The following LOXL4 variants were observed in gnomAD, a reference collection of about 807,000 sequenced individuals.
The protein encoded by LOXL4 is lysyl oxidase homolog 4.
LOXL4 carries 72 observed loss-of-function variants against 89.1 expected under a neutral mutation model. The ratio of observed to expected loss-of-function variants is 0.81; its 90% CI spans 0.67 to 0.98. The LOEUF is 0.98. LOXL4 is among the 50% of genes least tolerant of loss of function. The pLI, the probability that LOXL4 is intolerant of heterozygous loss-of-function variation, is 0.00. For synonymous variants in LOXL4, 355 were observed against 392.1 expected, an observed-to-expected ratio of 0.91 and a Z score of 1.12; for missense variants, 984 against 1,017.5, an observed-to-expected ratio of 0.97 and a Z score of 0.45.
At chr10:98,261,978 C>A in intron 3 of LOXL4, 57 bp downstream of exon 3, 1 of 1,506,978 alleles carries the variant, frequency 6.6e-7, no homozygotes, top group East Asian at 2.3e-5. Context: ...TTCTGGGAGG[C>A]TCTCTGTTCT....
intron 4 of LOXL4, 29 bp downstream of exon 4, chr10:98,260,893 T>G (rs1161871334): frequency 6.3e-7 from 1 of 1,579,272 alleles, no homozygotes; most frequent in Non-Finnish European, 8.6e-7. Context: ...CCCTGCCTCC[T>G]GTGGGGCCTA....
At chr10:98,258,610 C>T (rs142132198) in intron 6 of LOXL4, among the ~76,000 whole-genome samples, 169 of 151,228 alleles carry the variant, frequency 1.1e-3, no homozygotes, top group African/African-American at 3.9e-3. Context: ...TACCACCTCA[C>T]GGCATCTGTA....
At chr10:98,258,841 G>C (rs926195720) in intron 6 of LOXL4, among the ~76,000 whole-genome samples, 168 bp downstream of exon 6, 32 of 152,258 alleles carry the variant, frequency 2.1e-4, no homozygotes, top group African/African-American at 7.5e-4. Context: ...GGCTATAAAT[G>C]ATCCCTTTTA....
At chr10:98,264,635 T>A (rs1858635083) in intron 1 of LOXL4, among the ~76,000 whole-genome samples, 1 of 151,852 alleles carries the variant, frequency 6.6e-6, no homozygotes, top group Non-Finnish European at 1.5e-5. Flanking sequence ...GGGCAGGTCC[T>A]CTCCCCCTCA....
At chr10:98,259,587 G>T (rs1427000586) in intron 4 of LOXL4, among the ~76,000 whole-genome samples, 158 bp from the exon 5 acceptor site, 1 of 152,198 alleles carries the variant, frequency 6.6e-6, no homozygotes, top group African/African-American at 2.4e-5. Flanking sequence ...CAGCAGCCCT[G>T]ACGGGGTGGC....
intron 3 of LOXL4, 126 bp from the exon 4 acceptor site, chr10:98,261,253 T>C: frequency 2.1e-6 from 2 of 972,670 alleles, no homozygotes; most frequent in Non-Finnish European, 1.5e-6. Context: ...AGCCCGGTCA[T>C]TGAACAGGCC....
chr10:98,260,255 G>A (rs1175863191), intron 4 of LOXL4, among the ~76,000 whole-genome samples: 1 of 152,186 alleles, frequency 6.6e-6, no homozygotes, highest in African/African-American at 2.4e-5. Flanking sequence ...GATCAGAGCT[G>A]AGGAAATTCA....
At chr10:98,263,966 C>T (rs140507884) in intron 1 of LOXL4, among the ~76,000 whole-genome samples, 3 of 152,012 alleles carry the variant, frequency 2.0e-5, no homozygotes, top group South Asian at 4.2e-4. Context: ...CTCCTGACCT[C>T]GTGATCCATC....
intron 8 of LOXL4, 60 bp from the exon 9 acceptor site, chr10:98,257,007 G>A (rs1011346303): frequency 1.3e-6 from 2 of 1,560,282 alleles, no homozygotes; most frequent in Admixed American, 1.9e-5. Flanking sequence ...GCTCAGGGCT[G>A]CGAGCCTGGA....
chr10:98,249,881 C>T (rs980328529), intron 14 of LOXL4, among the ~76,000 whole-genome samples: 2 of 152,226 alleles, frequency 1.3e-5, no homozygotes, highest in African/African-American at 4.8e-5. Flanking sequence ...AAACCTTAGA[C>T]TGTTCTTCCT....
At position 98,253,658 on chromosome 10, in the gene LOXL4, C is replaced by A. The variant is rs771449314; in HGVS notation, c.1730G>T (p.Gly577Val). Residue 577 changes from glycine to valine, a missense_variant, in exon 11 of 15, where the codon GGA becomes GTA. Transcript: ENST00000260702. ...KSADHMDWPY[G>V]YRRLLRFSTQ... is the part of the protein sequence containing the mutation. ...GGAGAAGCGCAATAGGCGGCGGTAT[C>A]CGTAGGGCCAGTCCATGTGATCCGC... is the stretch of plus-strand genomic sequence containing the variant. 2 of 1,614,248 alleles carry A rather than the reference C, an allele frequency of 1.2e-6. No homozygotes were observed. Among genetic ancestry groups the A allele is most frequent in the Non-Finnish European group, 1.7e-6 (2 of 1,180,048 alleles).
Position 98,257,822 on chromosome 10 carries a change from T to C in LOXL4, c.1106-18A>G, listed in dbSNP as rs764388716. The C allele has an allele frequency of 6.2e-7, 1 of 1,605,980 alleles. No homozygotes were observed. The highest frequency in any genetic ancestry group is 1.1e-5 in the South Asian group (1 of 90,180). The stretch of plus-strand genomic sequence containing the variant: ...CCCTAGCCCTAGATGGGGAGAGAGG[T>C]GCTGTGTGCGAGGCTCCATCTCCGT... On this transcript the variant is annotated intron_variant, in intron 7 of 14. Coordinates refer to ENST00000260702, the MANE Select transcript of LOXL4 (RefSeq NM_032211.7).
In LOXL4 at chr10:98,253,633, G is replaced by A. The variant is rs1439694285; in HGVS notation, c.1755C>T (p.Ser585=). The change falls in exon 11 of 15, where the codon TCC becomes TCT. Residue 585 remains serine, a synonymous_variant. Transcript: ENST00000260702. ...PYGYRRLLRF[S]TQIYNLGRTD... The stretch of plus-strand genomic sequence containing the variant: ...TCCGGCCCAGATTGTAGATCTGTGT[G>A]GAGAAGCGCAATAGGCGGCGGTATC... 6.2e-7 allele frequency: 1 copy of A among 1,614,262 alleles called. No homozygotes were observed. The highest frequency in any genetic ancestry group is 8.5e-7 in the Non-Finnish European group (1 of 1,180,046).
At chr10:98,264,869 C>T (rs1436381343) in intron 1 of LOXL4, among the ~76,000 whole-genome samples, 4 of 152,208 alleles carry the variant, frequency 2.6e-5, no homozygotes, top group African/African-American at 9.7e-5. Flanking sequence ...GGCCATGGCT[C>T]CTCTTGGGGA....
rs777564778 is a variant in LOXL4, at chr10:98,256,843, C to G, written c.1365G>C (p.Gly455=). 2 of 1,614,020 alleles carry G rather than the reference C, an allele frequency of 1.2e-6. No individual in the cohort carries two copies. Among genetic ancestry groups the G allele is most frequent in the African/African-American group, 2.7e-5 (2 of 74,938 alleles). Residue 455 remains glycine (G), a synonymous_variant, in exon 9 of 15, where the codon GGG becomes GGC. Coordinates refer to ENST00000260702, the MANE Select transcript of LOXL4 (RefSeq NM_032211.7). ...RWGSVCSENW[G]LTEAMVACRQ... ...GGCAGGCCACCATGGCTTCGGTGAG[C>G]CCCCAGTTTTCACTGCACACGCTCC...
At chr10:98,258,381 AC>A (rs1367142470) in intron 6 of LOXL4, among the ~76,000 whole-genome samples, 2 of 149,680 alleles carry the variant, frequency 1.3e-5, no homozygotes, top group South Asian at 2.2e-4. Context: ...AATCACCCCC[AC>A]AGCCTCATCA....
intron 13 of LOXL4, 68 bp from the exon 14 acceptor site, chr10:98,251,244 A>G (rs1414740232): frequency 6.8e-6 from 8 of 1,177,238 alleles, no homozygotes; most frequent in Non-Finnish European, 1.3e-6. Flanking sequence ...TGTGGCTGTG[A>G]TAATCCTTAC....
chr10:98,259,113 G>T lies in LOXL4; in HGVS notation c.817C>A (p.Arg273=), dbSNP rs370829580. ...VQVAPARGKL[R]PACPGGMHAV... is the part of the protein sequence containing the mutation. ...TGCATGCCACCTGGGCAGGCTGGCCGCAGCTTGCCCCGGGCTGGAGCCACC... is the reference window on the plus strand; with the variant it reads ...TGCATGCCACCTGGGCAGGCTGGCCTCAGCTTGCCCCGGGCTGGAGCCACC... Residue 273 remains arginine (R), a synonymous_variant, in exon 6 of 15, where the codon CGG becomes AGG. Coordinates refer to ENST00000260702, the MANE Select transcript of LOXL4 (RefSeq NM_032211.7). The T allele has an allele frequency of 1.9e-6, 3 of 1,607,274 alleles. No homozygotes were observed. Among genetic ancestry groups the T allele is most frequent in the Admixed American group, 3.4e-5 (2 of 59,388 alleles).
At chr10:98,252,626 G>A (rs531948250) in intron 11 of LOXL4, among the ~76,000 whole-genome samples, 158 bp from the exon 12 acceptor site, 1 of 152,314 alleles carries the variant, frequency 6.6e-6, no homozygotes, top group African/African-American at 2.4e-5. Flanking sequence ...TTAGTGTGAC[G>A]CACAGCCTCC....
Sources: gnomAD v4.1 joint callset for allele counts (sites outside exome capture counted in the v4.1 genomes callset) on GRCh38, gnomAD v4.1.1 for gene constraint, MANE v1.5 for transcripts, NCBI Gene and HGNC (gene_info 2026-07-23, HGNC 2026-07-21) for gene names.